MBD5: variants seen among roughly 807,000 people sequenced by gnomAD.
The protein encoded by MBD5 is methyl-CpG binding domain protein 5.
MBD5 carries 13 observed loss-of-function variants against 117.3 expected under a neutral mutation model. The ratio of observed to expected loss-of-function variants is 0.11; its 90% CI spans 0.07 to 0.18. The LOEUF (loss-of-function observed/expected upper bound fraction) is 0.18, where lower values mean the gene tolerates loss of function less well. Ranked by LOEUF, MBD5 falls within the 10% of genes least tolerant of loss-of-function variation. MBD5 has a pLI of 1.00. For synonymous variants in MBD5, 727 were observed against 766.4 expected (o/e 0.95, Z 0.85); for missense variants, 1,879 against 2,093.8 (o/e 0.90, Z 2.00).
At position 148,324,997 on chromosome 2, in the gene MBD5, G is replaced by A. The variant is rs188402467; in HGVS notation, c.-679-17217G>A. On this transcript the variant is annotated intron_variant, in intron 3 of 13. Transcript: ENST00000642680. ...TGTCATAGATAGCTCTTTTTATTTTGAAATACATCCCATCAATATCTAATT... is the reference window on the plus strand; with the variant it reads ...TGTCATAGATAGCTCTTTTTATTTTAAAATACATCCCATCAATATCTAATT... 2.5e-3 allele frequency among the ~76,000 whole-genome samples: 377 copies of A among 152,238 alleles called. 3 individuals carry two copies. The highest frequency in any genetic ancestry group is 8.6e-3 in the African/African-American group (356 of 41,524).
In MBD5 at chr2:148,514,745, G is replaced by A. The variant is rs532696660; in HGVS notation, c.*1804G>A. Reference sequence around the variant, plus strand: ...AGGTCATTCCTTAAGTTGGTTTCTTGGGGCCACAGCACAGAGCATGCCACC... The same window carrying A: ...AGGTCATTCCTTAAGTTGGTTTCTTAGGGCCACAGCACAGAGCATGCCACC... On this transcript the variant is annotated 3_prime_UTR_variant, in exon 14 of 14. Transcript: ENST00000642680. 1.6e-4 allele frequency: 25 copies of A among 152,434 alleles called. No homozygotes were observed. The highest frequency in any genetic ancestry group is 5.3e-4 in the African/African-American group (22 of 41,534). 9.4% of individuals were successfully genotyped at this position (152,434 alleles called of 1,614,324 possible). A position where few individuals can be genotyped will look rare whatever the true frequency, so the allele number is the denominator to read the frequency against.
intron 3 of MBD5, among the ~76,000 whole-genome samples, chr2:148,244,939 G>A (rs2106211907): frequency 6.7e-6 from 1 of 149,362 alleles, no homozygotes. Flanking sequence ...CTACATTCCT[G>A]GAAATTATAT....
chr2:148,224,258 A>G (rs1055340319), intron 2 of MBD5, among the ~76,000 whole-genome samples: 2 of 152,308 alleles, frequency 1.3e-5, no homozygotes, highest in East Asian at 1.9e-4. Flanking sequence ...AGATTGTCCA[A>G]TGTTGCTTTG....
chr2:148,490,840 C>G (rs996189069), intron 11 of MBD5: 25 of 518,398 alleles, frequency 4.8e-5, no homozygotes, highest in Non-Finnish European at 8.3e-5. Flanking sequence ...GGCTGTAAGC[C>G]AGGAACCAGA....
intron 4 of MBD5, among the ~76,000 whole-genome samples, chr2:148,392,832 C>A (rs900615906): frequency 6.6e-6 from 1 of 152,120 alleles, no homozygotes; most frequent in Non-Finnish European, 1.5e-5. Context: ...ATTCTTAATA[C>A]AGTGAGCTTA....
intron 1 of MBD5, among the ~76,000 whole-genome samples, chr2:148,111,996 A>G (rs996484390): frequency 6.6e-6 from 1 of 152,158 alleles, no homozygotes; most frequent in Non-Finnish European, 1.5e-5. Context: ...ATTGAACCAT[A>G]CTCACCTATT....
intron 1 of MBD5, among the ~76,000 whole-genome samples, chr2:148,136,224 G>A (rs1393103505): frequency 4.6e-5 from 7 of 152,152 alleles, no homozygotes; most frequent in Admixed American, 6.5e-5. Flanking sequence ...ACGGTCTTAC[G>A]TGTACTCTAA....
intron 4 of MBD5, among the ~76,000 whole-genome samples, chr2:148,440,873 C>T (rs1490752057): frequency 3.3e-5 from 5 of 151,996 alleles, no homozygotes; most frequent in Admixed American, 2.0e-4. Context: ...GCAACATATG[C>T]GAAGGCTTAG....
intron 4 of MBD5, among the ~76,000 whole-genome samples, chr2:148,439,088 A>C (rs1277554019): frequency 1.3e-5 from 2 of 152,236 alleles, no homozygotes; most frequent in Admixed American, 6.5e-5. Flanking sequence ...AGAACAAAGT[A>C]ATAGTTCCAC....
chr2:148,298,553 T>C (rs956313752), intron 3 of MBD5, among the ~76,000 whole-genome samples: 14 of 152,238 alleles, frequency 9.2e-5, no homozygotes, highest in African/African-American at 2.2e-4. Context: ...TTTTATAATT[T>C]TTTACCAGTT....
At chr2:148,211,968 C>CA (rs1313901659) in intron 2 of MBD5, among the ~76,000 whole-genome samples, 1 of 152,072 alleles carries the variant, frequency 6.6e-6, no homozygotes, top group African/African-American at 2.4e-5. Context: ...AGGCTGGTCT[C>CA]AAATTTCTGG....
chr2:148,213,086 A>T (rs868861446), intron 2 of MBD5, among the ~76,000 whole-genome samples: 7 of 152,202 alleles, frequency 4.6e-5, no homozygotes, highest in Admixed American at 4.6e-4. Flanking sequence ...CTTTGAAAGC[A>T]GGAACTGCCG....
At chr2:148,347,250 C>T (rs1302975246) in intron 4 of MBD5, 10 of 151,912 alleles carry the variant, frequency 6.6e-5, no homozygotes, top group Non-Finnish European at 1.3e-4. Flanking sequence ...TGATGTGTGC[C>T]TATAATTCTA....
At chr2:148,067,689 C>T (rs1382455376) in intron 1 of MBD5, among the ~76,000 whole-genome samples, 1 of 152,162 alleles carries the variant, frequency 6.6e-6, no homozygotes, top group Admixed American at 6.6e-5. Context: ...CTTACATTAT[C>T]CCCAGCCTCC....
At chr2:148,125,672 T>A (rs749423155) in intron 1 of MBD5, among the ~76,000 whole-genome samples, 17 of 152,228 alleles carry the variant, frequency 1.1e-4, no homozygotes, top group Non-Finnish European at 2.2e-4. Context: ...CACAGCCTGA[T>A]GGCTTCCTAT....
intron 4 of MBD5, among the ~76,000 whole-genome samples, chr2:148,342,762 T>G (rs1272500275): frequency 1.3e-5 from 2 of 151,888 alleles, no homozygotes; most frequent in Non-Finnish European, 2.9e-5. Context: ...TAAAAAAAAT[T>G]TATTTTTTTC....
intron 4 of MBD5, among the ~76,000 whole-genome samples, chr2:148,425,594 T>C (rs989233311): frequency 6.6e-6 from 1 of 152,142 alleles, no homozygotes; most frequent in Non-Finnish European, 1.5e-5. Flanking sequence ...AAAAGAAAAT[T>C]TCAGGCCAAT....
At chr2:148,242,673 G>C (rs974075735) in intron 3 of MBD5, among the ~76,000 whole-genome samples, 4 of 152,126 alleles carry the variant, frequency 2.6e-5, no homozygotes, top group African/African-American at 9.7e-5. Flanking sequence ...TATGTGATCA[G>C]TGAAGAATGT....
At chr2:148,493,590 TCAGAG>T (rs1681596303) in intron 11 of MBD5, among the ~76,000 whole-genome samples, 1 of 152,234 alleles carries the variant, frequency 6.6e-6, no homozygotes, top group African/African-American at 2.4e-5. Context: ...TGCTGTGTGA[TCAGAG>T]CACTGATAAT....
Sources: allele counts gnomAD v4.1 joint callset (sites outside exome capture counted in the v4.1 genomes callset), GRCh38; gene constraint gnomAD v4.1.1; transcripts MANE v1.5; gene names NCBI Gene and HGNC (gene_info 2026-07-23, HGNC 2026-07-21).